MBTPS2: variants seen among roughly 807,000 people sequenced by gnomAD.
The protein encoded by MBTPS2 is membrane-bound transcription factor site-2 protease.
MBTPS2 carries 2 observed loss-of-function variants against 35.4 expected under a neutral mutation model. The ratio of observed to expected loss-of-function variants is 0.06; its 90% CI spans 0.02 to 0.18. The LOEUF is 0.18. MBTPS2 is among the 10% of genes least tolerant of loss of function. MBTPS2 has a pLI of 1.00. For missense variants in MBTPS2, 244 were observed against 386.5 expected (o/e 0.63, Z 3.09); for synonymous variants, 125 against 140.4 (o/e 0.89, Z 0.77).
At chrX:21,840,590 G>T (rs2092901577) in intron 1 of MBTPS2, among the ~76,000 whole-genome samples, 1 of 111,773 alleles carries the variant, frequency 8.9e-6, no homozygotes. Context: ...TTGGAATTGA[G>T]TACTGGGGGG....
intron 5 of MBTPS2, chrX:21,855,909 A>G: frequency 8.9e-6 from 1 of 112,373 alleles, no homozygotes. Context: ...ATAATAGCAC[A>G]ACACTTTGCA....
intron 1 of MBTPS2, among the ~76,000 whole-genome samples, chrX:21,842,436 T>A (rs942657123): frequency 9.0e-6 from 1 of 110,728 alleles, no homozygotes; most frequent in Admixed American, 9.7e-5. Flanking sequence ...GGTAGGGTTT[T>A]TTTTTTTTTA....
intron 5 of MBTPS2, among the ~76,000 whole-genome samples, chrX:21,864,154 C>T (rs760652273): frequency 1.3e-4 from 15 of 112,799 alleles, no homozygotes; most frequent in Non-Finnish European, 2.4e-4. Flanking sequence ...AATTTCATTG[C>T]TTCTAAAATG....
At chrX:21,877,167 C>T (rs1266115411) in intron 7 of MBTPS2, among the ~76,000 whole-genome samples, 3 of 112,239 alleles carry the variant, frequency 2.7e-5, no homozygotes, top group South Asian at 3.7e-4. Context: ...ATAAGCCAGG[C>T]GCAATAGCTC....
intron 8 of MBTPS2, 31 bp downstream of exon 8, chrX:21,878,167 C>A: frequency 9.9e-7 from 1 of 1,011,284 alleles, no homozygotes; most frequent in Non-Finnish European, 1.4e-6. Context: ...TCTTGCTTGT[C>A]TGATATAATT....
At chrX:21,856,434 T>G (rs1045876453) in intron 5 of MBTPS2, 1 of 1,165,004 alleles carries the variant, frequency 8.6e-7, no homozygotes, top group Non-Finnish European at 1.2e-6. Flanking sequence ...CCCCTCAGCG[T>G]TCTTTTTCCC....
rs2092962756 is a variant in MBTPS2 at position 21,884,643 on chromosome X, G to T, written c.*1988G>T. The T allele has an allele frequency of 1.3e-6, 1 of 751,074 alleles. No homozygotes were observed. The highest frequency in any genetic ancestry group is 6.8e-5 in the South Asian group (1 of 14,626). The allele number at this position is 751,074 out of a possible 1,213,427, so 61.9% of individuals were successfully genotyped here. A position where few individuals can be genotyped will look rare whatever the true frequency, so the allele number is the denominator to read the frequency against. On this transcript the variant is annotated 3_prime_UTR_variant, in exon 11 of 11. Coordinates refer to ENST00000379484, the MANE Select transcript of MBTPS2 (RefSeq NM_015884.4). Reference sequence around the variant, plus strand: ...AAAACCGGCCTCATTATGTAAGAAAGAAAATGTTACGTGTTTTCTTCTTTA... The same window carrying T: ...AAAACCGGCCTCATTATGTAAGAAATAAAATGTTACGTGTTTTCTTCTTTA...
At chrX:21,865,113 G>A (rs2092937985) in intron 5 of MBTPS2, among the ~76,000 whole-genome samples, 1 of 106,815 alleles carries the variant, frequency 9.4e-6, no homozygotes, top group African/African-American at 3.4e-5. Flanking sequence ...CAAACTCCTG[G>A]GTTCAAGAGA....
In MBTPS2 at chrX:21,878,594, T is replaced by C. The variant is rs374092310; in HGVS notation, c.1163T>C (p.Ile388Thr). 1 of 1,202,779 alleles carries C rather than the reference T, an allele frequency of 8.3e-7. No individual in the cohort carries two copies. ...KKSSSSSFCI[I>T]PSLETHTRLI... is the part of the protein sequence containing the mutation. ...AGCTCAAGTTCAAGTTTCTGTATAA[T>C]ACCTTCTTTGGAAACTCACACTCGC... is the stretch of plus-strand genomic sequence containing the variant. Residue 388 changes from isoleucine to threonine, a missense_variant, in exon 9 of 11, where the codon ATA (isoleucine) becomes ACA (threonine). By Grantham distance (89) the Ile-to-Thr change is moderately conservative. Transcript: ENST00000379484.
intron 5 of MBTPS2, among the ~76,000 whole-genome samples, chrX:21,860,929 G>A (rs1277370472): frequency 8.9e-6 from 1 of 111,949 alleles, no homozygotes; most frequent in East Asian, 2.8e-4. Flanking sequence ...TTAGTACAAG[G>A]AACTATTTGA....
At position 21,845,997 on chromosome X, in the gene MBTPS2, A is replaced by G. The variant is rs754011238; in HGVS notation, c.438+613A>G. Among the ~76,000 whole-genome samples the G allele has an allele frequency of 1.1e-4, 12 of 111,798 alleles. No homozygotes were observed. The South Asian group carries it at 1.1e-3, about 10-fold the overall frequency. ...TACATTTATAGTTCCCATTTCCATG[A>G]GTCATGGATGTTGTTTTTAATCATG... On this transcript the variant is annotated intron_variant, in intron 3 of 10. Coordinates refer to ENST00000379484, the MANE Select transcript of MBTPS2 (RefSeq NM_015884.4).
At position 21,844,109 on chromosome X, in the gene MBTPS2, CAAATAAATAAATAAATAAAT is replaced by C. The variant is rs57351369; in HGVS notation, c.224+817_224+836del. On this transcript the variant is annotated intron_variant, in intron 2 of 10. Transcript: ENST00000379484. ...TGTGTGACACAGCAAGACCCTATCT[CAAATAAATAAATAAATAAAT>C]AAATAAATAAATAAATAAATAAATA... Among the ~76,000 whole-genome samples, 7 of 96,468 alleles carry C rather than the reference CAAATAAATAAATAAATAAAT, an allele frequency of 7.3e-5. No homozygotes were observed. In the South Asian group the frequency reaches 1.5e-3, roughly 21 times the overall value. 83.8% of individuals were successfully genotyped at this position (96,468 alleles called of 115,157 possible).
intron 3 of MBTPS2, among the ~76,000 whole-genome samples, chrX:21,846,140 A>C (rs1221232875): frequency 9.0e-6 from 1 of 111,345 alleles, no homozygotes; most frequent in East Asian, 2.8e-4. Context: ...TGTAGAGAAC[A>C]ATAATCTCTC....
rs1401188090 is a variant in MBTPS2, at chrX:21,883,079, G to A, written c.*424G>A. 2.5e-6 allele frequency: 2 copies of A among 806,676 alleles called. No individual in the cohort carries two copies. Among genetic ancestry groups the A allele is most frequent in the Admixed American group, 1.3e-4 (2 of 15,065 alleles). 66.5% of individuals were successfully genotyped at this position (806,676 alleles called of 1,213,427 possible). On this transcript the variant is annotated 3_prime_UTR_variant, in exon 11 of 11. Transcript: ENST00000379484. ...CCAGACTTTGGCCAAGTGGAAGGAT[G>A]ACCATTGTCTTGGCCTGTATCTCTT...
At chrX:21,864,647 T>C (rs917143687) in intron 5 of MBTPS2, among the ~76,000 whole-genome samples, 3 of 109,834 alleles carry the variant, frequency 2.7e-5, no homozygotes, top group African/African-American at 9.9e-5. Flanking sequence ...CATGGCAAGA[T>C]TCCGTCTCTA....
intron 10 of MBTPS2, 84 bp downstream of exon 10, chrX:21,881,056 A>G (rs768742832): frequency 7.6e-6 from 5 of 657,853 alleles, no homozygotes; most frequent in African/African-American, 4.3e-5. Flanking sequence ...CATTACAAAT[A>G]TAGACCTCAC....
At chrX:21,848,637 G>A (rs1602138809) in intron 3 of MBTPS2, among the ~76,000 whole-genome samples, 2 of 108,910 alleles carry the variant, frequency 1.8e-5, no homozygotes, top group Non-Finnish European at 3.8e-5. Context: ...CCGAGATCGC[G>A]CGACTGCACT....
intron 5 of MBTPS2, among the ~76,000 whole-genome samples, chrX:21,862,638 C>T (rs986313033): frequency 7.6e-5 from 8 of 105,320 alleles, no homozygotes; most frequent in African/African-American, 2.4e-4. Flanking sequence ...TGAAACCACC[C>T]GTCTCTACTA....
chrX:21,847,091 G>A (rs1222793314), intron 3 of MBTPS2, among the ~76,000 whole-genome samples: 2 of 111,833 alleles, frequency 1.8e-5, no homozygotes, highest in Admixed American at 1.9e-4. Context: ...TACACAATTG[G>A]TTCTTGTTCA....
Sources: gnomAD v4.1 joint callset for allele counts (sites outside exome capture counted in the v4.1 genomes callset) on GRCh38, gnomAD v4.1.1 for gene constraint, MANE v1.5 for transcripts, NCBI Gene and HGNC (gene_info 2026-07-23, HGNC 2026-07-21) for gene names.